BHMT: variants seen among roughly 807,000 people sequenced by gnomAD.
BHMT encodes the protein betaine--homocysteine S-methyltransferase.
Under a neutral mutation model 49.5 loss-of-function variants are expected in BHMT, and 38 were observed. The observed-to-expected ratio is 0.77, with a 90% CI of 0.59 to 1.01. BHMT has a LOEUF of 1.01. BHMT is among the 50% of genes least tolerant of loss of function. The pLI is 0.00. For synonymous variants in BHMT, 166 were observed against 176.3 expected, an observed-to-expected ratio of 0.94 and a Z score of 0.46; for missense variants, 426 against 495.7, an observed-to-expected ratio of 0.86 and a Z score of 1.34.
At chr5:79,120,097 A>C (rs932032783) in intron 3 of BHMT, among the ~76,000 whole-genome samples, 1 of 152,170 alleles carries the variant, frequency 6.6e-6, no homozygotes, top group African/African-American at 2.4e-5. Flanking sequence ...CTTCAATGTA[A>C]AAACTTTTAC....
At chr5:79,122,926 A>T (rs1756493840) in intron 5 of BHMT, among the ~76,000 whole-genome samples, 2 of 152,166 alleles carry the variant, frequency 1.3e-5, no homozygotes, top group African/African-American at 4.8e-5. Flanking sequence ...GGAAGTTTAA[A>T]TGGGGAAGAA....
intron 7 of BHMT, among the ~76,000 whole-genome samples, chr5:79,129,213 C>A (rs1756599366): frequency 6.6e-6 from 1 of 152,068 alleles, no homozygotes; most frequent in African/African-American, 2.4e-5. Context: ...GCAGGCAGAA[C>A]GATAAGCAGG....
Position 79,130,838 on chromosome 5 carries a change from T to C in BHMT, c.1038-95T>C, listed in dbSNP as rs1756624855. ...ACTTTGTGTGCTGCGTGAAATTATT[T>C]AAAATATTATATAATTTTTAAATGG... On this transcript the variant is annotated intron_variant, in intron 7 of 7. Transcript: ENST00000274353. The C allele has an allele frequency of 4.3e-6, 5 of 1,153,816 alleles. No individual in the cohort carries two copies. The East Asian group carries it at 1.5e-4, about 34-fold the overall frequency. The allele number at this position is 1,153,816 out of a possible 1,614,324, so 71.5% of individuals were successfully genotyped here. A position where few individuals can be genotyped will look rare whatever the true frequency, so the allele number is the denominator to read the frequency against.
At chr5:79,123,587 T>C (rs1756507655) in intron 5 of BHMT, among the ~76,000 whole-genome samples, 1 of 152,204 alleles carries the variant, frequency 6.6e-6, no homozygotes, top group Non-Finnish European at 1.5e-5. Context: ...GTTTTTGCTC[T>C]GTTGCCCAGG....
At position 79,131,889 on chromosome 5, in the gene BHMT, G is replaced by T. The variant is rs573022007; in HGVS notation, c.*773G>T. 1 of 149,686 alleles carries T rather than the reference G, an allele frequency of 6.7e-6. No individual in the cohort carries two copies. Among genetic ancestry groups the T allele is most frequent in the Admixed American group, 6.7e-5 (1 of 15,036 alleles). The allele number at this position is 149,686 out of a possible 1,614,324, so 9.3% of individuals were successfully genotyped here. On this transcript the variant is annotated 3_prime_UTR_variant, in exon 8 of 8. Coordinates refer to ENST00000274353, the MANE Select transcript of BHMT (RefSeq NM_001713.3). ...GTGACCCACTTTTCTACCAGTAAAA[G>T]ACATAGACCAATGGGGAGGAGGGGA...
Position 79,129,388 on chromosome 5 carries a change from G to C in BHMT, c.1037+1405G>C, listed in dbSNP as rs571164117. On this transcript the variant is annotated intron_variant, in intron 7 of 7. Transcript: ENST00000274353. ...TGCGAGAGGAATTACATTGCTAGAG[G>C]AACAGCCCTCAGGAAAGCACTGAGA... Among the ~76,000 whole-genome samples the C allele has an allele frequency of 2.0e-5, 3 of 152,316 alleles. No homozygotes were observed. In the South Asian group the frequency reaches 6.2e-4, roughly 32 times the overall value.
chr5:79,131,423 A>G lies in BHMT; in HGVS notation c.*307A>G. The G allele has an allele frequency of 4.5e-6, 1 of 223,132 alleles. No homozygotes were observed. The highest frequency in any genetic ancestry group is 2.3e-5 in the African/African-American group (1 of 43,804). The allele number at this position is 223,132 out of a possible 1,614,324, so 13.8% of individuals were successfully genotyped here. ...TAATTCAGATGTTAATGCCACTTGA[A>G]GAAGTTGGTAGGCTAGCAAAGAGGA... On this transcript the variant is annotated 3_prime_UTR_variant, in exon 8 of 8. Transcript: ENST00000274353.
chr5:79,124,462 CAA>C (rs56304507), intron 5 of BHMT, among the ~76,000 whole-genome samples: 165 of 139,512 alleles, frequency 1.2e-3, no homozygotes, highest in Admixed American at 1.6e-3. Flanking sequence ...TTTTAAAATG[CAA>C]AAAAAAAAAA....
Position 79,115,848 on chromosome 5 carries a change from G to A in BHMT, c.115G>A (p.Val39Ile), listed in dbSNP as rs766149888. ...FVFALEKRGYVKAGPWTPEAA... is the reference protein window; with the variant it reads ...FVFALEKRGYIKAGPWTPEAA... ...CTTTGCACTGGAGAAGAGGGGCTACGTAAAGGCAGGACCCTGGACTCCTGA... is the reference window on the plus strand; with the variant it reads ...CTTTGCACTGGAGAAGAGGGGCTACATAAAGGCAGGACCCTGGACTCCTGA... Residue 39 changes from valine to isoleucine, a missense_variant, in exon 2 of 8, where the codon GTA becomes ATA. Val to Ile is a conservative substitution (Grantham distance 29). Around this residue, in one of 3 missense-constraint regions of BHMT, gnomAD observed 321 missense variants for 355.9 expected, o/e 0.90. Transcript: ENST00000274353. 23 of 1,613,964 alleles carry A rather than the reference G, an allele frequency of 1.4e-5. No individual in the cohort carries two copies. In the East Asian group the frequency reaches 2.0e-4, roughly 14 times the overall value.
intron 1 of BHMT, among the ~76,000 whole-genome samples, 171 bp from the exon 2 acceptor site, chr5:79,115,596 T>A (rs756938316): frequency 1.0e-3 from 158 of 152,332 alleles, no homozygotes; most frequent in Non-Finnish European, 1.6e-3. Flanking sequence ...ATGAGCATTC[T>A]GGTTGTTTGT....
At chr5:79,113,679 A>G (rs932720378) in intron 1 of BHMT, among the ~76,000 whole-genome samples, 1 of 152,238 alleles carries the variant, frequency 6.6e-6, no homozygotes, top group Non-Finnish European at 1.5e-5. Context: ...CTGATATTAC[A>G]TATACTGTTT....
intron 7 of BHMT, 150 bp from the exon 8 acceptor site, chr5:79,130,783 A>G: frequency 1.8e-6 from 1 of 543,314 alleles, no homozygotes; most frequent in Non-Finnish European, 2.6e-6. Context: ...GCTGAGATTG[A>G]CACCTTTGCT....
intron 4 of BHMT, 100 bp downstream of exon 4, chr5:79,120,641 A>G: frequency 9.2e-7 from 1 of 1,081,158 alleles, no homozygotes. Context: ...GACAATCATA[A>G]CTAGCAATAG....
Position 79,120,498 on chromosome 5 carries a change from T to TA in BHMT, c.435dup (p.Glu146ArgfsTer17). ...GTCAAAAAAGTATTTCTGCAACAGT[T>TA]AGAGGTCTTTATGAAGAAGAACGTG... On this transcript the variant is annotated frameshift_variant, in exon 4 of 8. Coordinates refer to ENST00000274353, the MANE Select transcript of BHMT (RefSeq NM_001713.3). LOFTEE classifies it high-confidence loss of function. 6.2e-7 allele frequency: 1 copy of TA among 1,613,648 alleles called. No homozygotes were observed. The highest frequency in any genetic ancestry group is 8.5e-7 in the Non-Finnish European group (1 of 1,179,926).
At chr5:79,129,584 A>T (rs1030901395) in intron 7 of BHMT, among the ~76,000 whole-genome samples, 1 of 152,212 alleles carries the variant, frequency 6.6e-6, no homozygotes, top group Non-Finnish European at 1.5e-5. Flanking sequence ...CAGGTAGCCC[A>T]GGGCAAGGTT....
At chr5:79,118,514 T>C (rs506500) in intron 2 of BHMT, among the ~76,000 whole-genome samples, 112,365 of 152,132 alleles carry the variant, frequency 0.74, 41,875 homozygotes, top group East Asian at 0.91. Flanking sequence ...TGCCATTTGG[T>C]ATTCATCCAT....
intron 1 of BHMT, among the ~76,000 whole-genome samples, chr5:79,114,118 C>CAT (rs148058171): frequency 3.4e-5 from 5 of 148,050 alleles, no homozygotes; most frequent in South Asian, 2.1e-4. Context: ...TATATGTATA[C>CAT]ATATATATAT....
At chr5:79,111,986 G>A (rs1486042375) in intron 1 of BHMT, 68 bp downstream of exon 1, 1 of 1,467,082 alleles carries the variant, frequency 6.8e-7, no homozygotes, top group Admixed American at 2.4e-5. Flanking sequence ...CAGCCTCTGG[G>A]AGCGCAGAGG....
chr5:79,119,902 C>A (rs1263767735), intron 3 of BHMT, among the ~76,000 whole-genome samples: 3 of 152,066 alleles, frequency 2.0e-5, no homozygotes, highest in Admixed American at 6.6e-5. Context: ...TTAGAAAAGA[C>A]CTTATTAGTT....
Sources: allele counts gnomAD v4.1 joint callset (sites outside exome capture counted in the v4.1 genomes callset), GRCh38; gene constraint gnomAD v4.1.1; regional missense constraint gnomAD v4.1.1; transcripts MANE v1.5; gene names NCBI Gene and HGNC (gene_info 2026-07-23, HGNC 2026-07-21).